PTPRJ: variants seen among roughly 807,000 people sequenced by gnomAD.
PTPRJ encodes receptor-type tyrosine-protein phosphatase eta.
Under a neutral mutation model 141.3 loss-of-function variants are expected in PTPRJ, and 129 were observed. The observed-to-expected ratio is 0.91, with a 90% CI of 0.79 to 1.06. The LOEUF (loss-of-function observed/expected upper bound fraction) is 1.06, where lower values mean the gene tolerates loss of function less well. Among genes scored for constraint, PTPRJ ranks in the 50% least tolerant of loss-of-function variants. The pLI is 0.00. For missense variants in PTPRJ, 1,601 were observed against 1,679.7 expected (o/e 0.95, Z 0.82); for synonymous variants, 610 against 640.5 (o/e 0.95, Z 0.72).
intron 6 of PTPRJ, among the ~76,000 whole-genome samples, chr11:48,125,423 C>T (rs972401447): frequency 3.9e-5 from 6 of 152,194 alleles, no homozygotes; most frequent in African/African-American, 1.4e-4. Flanking sequence ...TGTGCGGGCA[C>T]CAGGCACTGC....
At chr11:48,102,739 A>G (rs1856179968) in intron 1 of PTPRJ, among the ~76,000 whole-genome samples, 1 of 152,092 alleles carries the variant, frequency 6.6e-6, no homozygotes, top group Admixed American at 6.6e-5. Context: ...ATTTTTAAAT[A>G]CTTAAGATTT....
intron 1 of PTPRJ, among the ~76,000 whole-genome samples, chr11:48,025,023 A>G (rs1853769314): frequency 6.6e-6 from 1 of 152,220 alleles, no homozygotes; most frequent in South Asian, 2.1e-4. Flanking sequence ...CAGCAGTGCC[A>G]TCTGGCAGGC....
chr11:48,024,423 C>G (rs942147157), intron 1 of PTPRJ, among the ~76,000 whole-genome samples: 3 of 152,198 alleles, frequency 2.0e-5, no homozygotes, highest in Admixed American at 1.3e-4. Flanking sequence ...GTCTCGAACT[C>G]CTGACCTCAA....
At chr11:48,165,763 CAT>C (rs1475603938) in intron 24 of PTPRJ, among the ~76,000 whole-genome samples, 2 of 152,090 alleles carry the variant, frequency 1.3e-5, no homozygotes, top group Admixed American at 1.3e-4. Flanking sequence ...TTTTGAGAAA[CAT>C]AGAACTCTTA....
At chr11:48,050,040 G>A (rs1412585803) in intron 1 of PTPRJ, among the ~76,000 whole-genome samples, 1 of 152,186 alleles carries the variant, frequency 6.6e-6, no homozygotes, top group African/African-American at 2.4e-5. Context: ...TGACAGACAC[G>A]TGGAGAATAT....
chr11:48,166,583 G>A (rs1446651158), intron 24 of PTPRJ, among the ~76,000 whole-genome samples: 1 of 152,060 alleles, frequency 6.6e-6, no homozygotes, highest in Non-Finnish European at 1.5e-5. Flanking sequence ...CCAAAGTGCT[G>A]GGATTACAGA....
chr11:48,017,401 A>G (rs1854979238), intron 1 of PTPRJ, among the ~76,000 whole-genome samples: 1 of 152,196 alleles, frequency 6.6e-6, no homozygotes, highest in Non-Finnish European at 1.5e-5. Context: ...TCTCACCTGT[A>G]AGATGATGAT....
chr11:48,117,673 A>G, intron 3 of PTPRJ, among the ~76,000 whole-genome samples: 1 of 152,030 alleles, frequency 6.6e-6, no homozygotes, highest in Admixed American at 6.6e-5. Context: ...TTAAGGAACT[A>G]GAAAAATAAG....
At position 48,150,013 on chromosome 11, in the gene PTPRJ, TA is replaced by T. The variant is rs760635614; in HGVS notation, c.3050+16del. On this transcript the variant is annotated intron_variant, in intron 17 of 24. Coordinates refer to ENST00000418331, the MANE Select transcript of PTPRJ (RefSeq NM_002843.4). ...AGACCTAAAAAGTGAGTAATCTCTT[TA>T]TTTTTTTTAATAACTTGTACTTTTC... is the stretch of plus-strand genomic sequence containing the variant. The T allele has an allele frequency of 1.3e-6, 2 of 1,497,460 alleles. No individual in the cohort carries two copies. Among genetic ancestry groups the T allele is most frequent in the East Asian group, 2.3e-5 (1 of 44,288 alleles). The allele number at this position is 1,497,460 out of a possible 1,614,324, so 92.8% of individuals were successfully genotyped here. A position where few individuals can be genotyped will look rare whatever the true frequency, so the allele number is the denominator to read the frequency against.
intron 1 of PTPRJ, among the ~76,000 whole-genome samples, chr11:48,032,955 C>T (rs1161328922): frequency 5.9e-5 from 9 of 151,602 alleles, no homozygotes; most frequent in South Asian, 2.1e-4. Context: ...CAGTGGCTCA[C>T]GCCTGTAATC....
chr11:48,001,609 C>T (rs777058533), intron 1 of PTPRJ, among the ~76,000 whole-genome samples: 20 of 152,172 alleles, frequency 1.3e-4, no homozygotes, highest in Non-Finnish European at 2.2e-4. Flanking sequence ...CTGCCAGACA[C>T]TGTACCCAGT....
chr11:47,981,538 G>A (rs1400156930), intron 1 of PTPRJ, among the ~76,000 whole-genome samples: 1 of 152,230 alleles, frequency 6.6e-6, no homozygotes, highest in Non-Finnish European at 1.5e-5. Context: ...CGAGGGCCCT[G>A]TTCCTGGGGA....
chr11:47,988,575 C>CT (rs1225490678), intron 1 of PTPRJ, among the ~76,000 whole-genome samples: 1 of 152,132 alleles, frequency 6.6e-6, no homozygotes, highest in Non-Finnish European at 1.5e-5. Flanking sequence ...TCAATGGACA[C>CT]TTTAGTTGTT....
At chr11:48,131,239 T>G (rs1383781217) in intron 8 of PTPRJ, among the ~76,000 whole-genome samples, 1 of 151,790 alleles carries the variant, frequency 6.6e-6, no homozygotes, top group Admixed American at 6.6e-5. Context: ...TGCACCACCA[T>G]GCCTGGCTAA....
At chr11:48,141,901 A>G (rs144797409) in intron 11 of PTPRJ, among the ~76,000 whole-genome samples, 24 of 147,634 alleles carry the variant, frequency 1.6e-4, no homozygotes, top group African/African-American at 5.9e-4. Context: ...CCAAGCAACC[A>G]TTGTAAATAC....
At chr11:48,059,144 A>G (rs1457856504) in intron 1 of PTPRJ, among the ~76,000 whole-genome samples, 1 of 119,208 alleles carries the variant, frequency 8.4e-6, no homozygotes, top group East Asian at 2.5e-4. Flanking sequence ...TTTGAGGCAG[A>G]GTCTCACTCT....
chr11:48,035,483 G>C (rs1053618419), intron 1 of PTPRJ, among the ~76,000 whole-genome samples: 1 of 147,314 alleles, frequency 6.8e-6, no homozygotes, highest in African/African-American at 2.5e-5. Flanking sequence ...GGGACCATCT[G>C]TGCTCTCCTG....
chr11:48,026,091 A>C (rs1043792049), intron 1 of PTPRJ, among the ~76,000 whole-genome samples: 1 of 152,204 alleles, frequency 6.6e-6, no homozygotes, highest in Non-Finnish European at 1.5e-5. Flanking sequence ...CTCACCCTGC[A>C]TCTCCACCAC....
intron 1 of PTPRJ, among the ~76,000 whole-genome samples, chr11:48,061,535 C>A (rs1854923337): frequency 6.6e-6 from 1 of 152,290 alleles, no homozygotes; most frequent in South Asian, 2.1e-4. Flanking sequence ...GAGATACTAT[C>A]ATGATCTCTG....
Sources: gnomAD v4.1 joint callset for allele counts (sites outside exome capture counted in the v4.1 genomes callset) on GRCh38, gnomAD v4.1.1 for gene constraint, MANE v1.5 for transcripts, NCBI Gene and HGNC (gene_info 2026-07-23, HGNC 2026-07-21) for gene names.